The following ATF6 variants were observed in gnomAD, a reference collection of about 807,000 sequenced individuals.
ATF6 encodes the protein activating transcription factor 6, also known as cyclic AMP-dependent transcription factor ATF-6 alpha.
Under a neutral mutation model 83.6 loss-of-function variants are expected in ATF6, and 53 were observed. That is an observed-to-expected ratio of 0.63 (90% CI 0.51 to 0.80). The LOEUF (loss-of-function observed/expected upper bound fraction) is 0.80, where lower values mean the gene tolerates loss of function less well. ATF6 is among the 30% of genes least tolerant of loss of function. The pLI is 0.00. For synonymous variants in ATF6, 288 were observed against 285.8 expected (o/e 1.01, Z -0.08); for missense variants, 744 against 797.9 (o/e 0.93, Z 0.81).
intron 15 of ATF6, among the ~76,000 whole-genome samples, chr1:161,952,487 A>G (rs10800157): frequency 0.64 from 97,668 of 151,760 alleles, 32,862 homozygotes; most frequent in Non-Finnish European, 0.75. Context: ...ATCATTCTCT[A>G]TAACTTATTT....
chr1:161,938,729 G>A (rs1234677208), intron 15 of ATF6, among the ~76,000 whole-genome samples: 1 of 152,094 alleles, frequency 6.6e-6, no homozygotes, highest in Non-Finnish European at 1.5e-5. Flanking sequence ...CTTATTATGA[G>A]GAAAGCTGCC....
chr1:161,925,648 A>T (rs1488855980), intron 15 of ATF6, among the ~76,000 whole-genome samples: 1 of 152,188 alleles, frequency 6.6e-6, no homozygotes, highest in South Asian at 2.1e-4. Context: ...TTAGGACCTT[A>T]TTTATTCAAT....
At chr1:161,797,951 G>T (rs1244026922) in intron 6 of ATF6, among the ~76,000 whole-genome samples, 1 of 152,178 alleles carries the variant, frequency 6.6e-6, no homozygotes, top group East Asian at 1.9e-4. Flanking sequence ...AAAACAGCAT[G>T]ATACTGGTAT....
At chr1:161,830,698 A>T (rs557321714) in intron 9 of ATF6, among the ~76,000 whole-genome samples, 2 of 152,386 alleles carry the variant, frequency 1.3e-5, no homozygotes, top group Admixed American at 1.3e-4. Flanking sequence ...GCAATGGGGA[A>T]AGGATTCCCT....
chr1:161,899,931 G>A (rs1283395724), intron 14 of ATF6, among the ~76,000 whole-genome samples: 2 of 152,016 alleles, frequency 1.3e-5, no homozygotes, highest in South Asian at 2.1e-4. Flanking sequence ...TAACATTGAT[G>A]AGAAAAAAAA....
intron 15 of ATF6, among the ~76,000 whole-genome samples, chr1:161,920,982 C>G (rs886648709): frequency 6.6e-6 from 1 of 152,014 alleles, no homozygotes; most frequent in Admixed American, 6.5e-5. Context: ...GATCCACCCT[C>G]GGCCTCCCAA....
chr1:161,928,354 T>G (rs138590375), intron 15 of ATF6, among the ~76,000 whole-genome samples: 1 of 152,296 alleles, frequency 6.6e-6, no homozygotes, highest in African/African-American at 2.4e-5. Flanking sequence ...TACATAAATA[T>G]TTAATACTGA....
At chr1:161,897,664 A>G (rs1333139551) in intron 14 of ATF6, among the ~76,000 whole-genome samples, 3 of 152,188 alleles carry the variant, frequency 2.0e-5, no homozygotes. Flanking sequence ...TACAGTAGTC[A>G]CTAGTCTTGA....
rs181017647 is a variant in ATF6 at position 161,821,431 on chromosome 1, G to A, written c.1187+270G>A. Among the ~76,000 whole-genome samples, 6 of 152,216 alleles carry A rather than the reference G, an allele frequency of 3.9e-5. No homozygotes were observed. The East Asian group carries it at 9.6e-4, about 24-fold the overall frequency. ...TAGAGTACGAGTTCCTTGAGGTGAAGGTTCTTGTCGTATTGATGGGTACTC... is the reference window on the plus strand; with the variant it reads ...TAGAGTACGAGTTCCTTGAGGTGAAAGTTCTTGTCGTATTGATGGGTACTC... On this transcript the variant is annotated intron_variant, in intron 9 of 15. Coordinates refer to ENST00000367942, the MANE Select transcript of ATF6 (RefSeq NM_007348.4).
intron 15 of ATF6, among the ~76,000 whole-genome samples, chr1:161,958,223 C>G (rs913576258): frequency 1.2e-4 from 19 of 152,082 alleles, no homozygotes; most frequent in African/African-American, 4.6e-4. Flanking sequence ...GTTGTTTAGT[C>G]AATGGAGGTT....
chr1:161,946,997 C>G (rs767762419), intron 15 of ATF6, among the ~76,000 whole-genome samples: 2 of 152,190 alleles, frequency 1.3e-5, no homozygotes, highest in Non-Finnish European at 2.9e-5. Context: ...CACCAGAATT[C>G]ACTCGGTATA....
intron 14 of ATF6, among the ~76,000 whole-genome samples, chr1:161,895,471 T>A (rs1687653408): frequency 6.6e-6 from 1 of 152,214 alleles, no homozygotes; most frequent in African/African-American, 2.4e-5. Context: ...CAATCTAATA[T>A]TATAACTTCG....
chr1:161,791,284 A>C, intron 4 of ATF6, 124 bp from the exon 5 acceptor site: 2 of 678,120 alleles, frequency 2.9e-6, no homozygotes, highest in Non-Finnish European at 4.7e-6. Context: ...TACAGTTTCT[A>C]ATATACCTTT....
At chr1:161,772,969 T>TTTG (rs1265465385) in intron 1 of ATF6, among the ~76,000 whole-genome samples, 1 of 144,924 alleles carries the variant, frequency 6.9e-6, no homozygotes, top group African/African-American at 2.5e-5. Context: ...TCCTGTTTTT[T>TTTG]TTTTTTTTTT....
chr1:161,905,932 A>G (rs972029602), intron 14 of ATF6, among the ~76,000 whole-genome samples: 6 of 151,900 alleles, frequency 3.9e-5, no homozygotes, highest in Middle Eastern at 3.2e-3. Flanking sequence ...TCCCAGGTTC[A>G]CGCCATTCTC....
chr1:161,824,745 C>T (rs781066236), intron 9 of ATF6, among the ~76,000 whole-genome samples: 3 of 152,138 alleles, frequency 2.0e-5, no homozygotes, highest in African/African-American at 7.2e-5. Context: ...CATTTCTTAT[C>T]TGGTATACGT....
At chr1:161,873,142 C>G (rs1413149003) in intron 14 of ATF6, among the ~76,000 whole-genome samples, 1 of 151,494 alleles carries the variant, frequency 6.6e-6, no homozygotes, top group Non-Finnish European at 1.5e-5. Flanking sequence ...GGAATTAAAA[C>G]CAGATTTTTG....
chr1:161,806,826 T>A (rs1049065685), intron 7 of ATF6, among the ~76,000 whole-genome samples: 1 of 152,164 alleles, frequency 6.6e-6, no homozygotes, highest in Admixed American at 6.6e-5. Flanking sequence ...CGAAGGGGAT[T>A]CTCCTGTCAT....
At chr1:161,882,750 A>G (rs959853814) in intron 14 of ATF6, among the ~76,000 whole-genome samples, 4 of 149,600 alleles carry the variant, frequency 2.7e-5, no homozygotes, top group Non-Finnish European at 5.9e-5. Flanking sequence ...TGGGCTTTGG[A>G]GTCAGACAAA....
Sources: allele counts gnomAD v4.1 joint callset (sites outside exome capture counted in the v4.1 genomes callset), GRCh38; gene constraint gnomAD v4.1.1; transcripts MANE v1.5; gene names NCBI Gene and HGNC (gene_info 2026-07-23, HGNC 2026-07-21).